The following NAV1 variants were observed in gnomAD, a reference collection of about 807,000 sequenced individuals.
NAV1 encodes pore membrane and/or filament interacting like protein 3.
A neutral mutation model predicts 175.2 loss-of-function variants in NAV1; 18 were observed. The ratio of observed to expected loss-of-function variants is 0.10; its 90% confidence interval spans 0.07 to 0.15. The LOEUF is 0.15. NAV1 is among the 10% of genes least tolerant of loss of function. NAV1 has a pLI of 1.00. For synonymous variants in NAV1, 897 were observed against 978.7 expected, an observed-to-expected ratio of 0.92 and a Z score of 1.56; for missense variants, 1,731 against 2,436.6, an observed-to-expected ratio of 0.71 and a Z score of 6.10.
At chr1:201,730,336 T>C (rs1437428050) in intron 3 of NAV1, among the ~76,000 whole-genome samples, 1 of 152,226 alleles carries the variant, frequency 6.6e-6, no homozygotes, top group East Asian at 1.9e-4. Flanking sequence ...GAGGATCATA[T>C]AACTCAAAGT....
In NAV1 at chr1:201,750,535, A is replaced by T. The variant is rs190464719; in HGVS notation, c.1227-29886A>T. Among the ~76,000 whole-genome samples the T allele has an allele frequency of 2.0e-5, 3 of 152,182 alleles. No homozygotes were observed. ...CTTAAAAAAGGGCTTGCAAGCCACC[A>T]GATTAGGTCTTTTCCATGTCTTTCT... On this transcript the variant is annotated intron_variant, in intron 3 of 29. Transcript: ENST00000367296. This position sits in a 1 kb window ranked among gnomAD's most constrained non-coding sequence, Gnocchi z 4.1.
upstream of NAV1, among the ~76,000 whole-genome samples, chr1:201,619,969 AG>A (rs759062566): frequency 2.0e-5 from 3 of 152,210 alleles, no homozygotes; most frequent in Non-Finnish European, 4.4e-5. Context: ...GAAAAGGATG[AG>A]GGGGTCATAG....
In NAV1 at chr1:201,782,677, C is replaced by A. The variant is rs770989263; in HGVS notation, c.2165C>A (p.Ala722Asp). Residue 722 changes from alanine to aspartate, a missense_variant, in exon 6 of 30, where the codon GCC (alanine) becomes GAC (aspartate). Ala to Asp is a moderately radical substitution (Grantham distance 126, BLOSUM62 -2). Coordinates refer to ENST00000367296, the Ensembl canonical transcript of NAV1. This position sits in a 1 kb window ranked among gnomAD's most constrained non-coding sequence, Gnocchi z 5.4. ...AGACTGAAGGAGCCTACCAAGGTAG[C>A]CAGTGGGCGGACCACTCCAGCCCCT... 2 of 1,614,004 alleles carry A rather than the reference C, an allele frequency of 1.2e-6. No homozygotes were observed. Among genetic ancestry groups the A allele is most frequent in the African/African-American group, 1.3e-5 (1 of 74,902 alleles).
At chr1:201,700,782 C>A (rs1398558683) in intron 1 of NAV1, among the ~76,000 whole-genome samples, 1 of 151,924 alleles carries the variant, frequency 6.6e-6, no homozygotes, top group African/African-American at 2.4e-5. Context: ...GAGGCCGAGG[C>A]GGGTGGATCA....
chr1:201,638,233 A>G (rs1399500890), intron 2 of NAV1, among the ~76,000 whole-genome samples: 1 of 152,124 alleles, frequency 6.6e-6, no homozygotes, highest in African/African-American at 2.4e-5. Context: ...GAAGACCCTG[A>G]CTTGTTGGGA....
exon 9 of NAV1, chr1:201,786,530 C>T: frequency 6.2e-7 from 1 of 1,613,972 alleles, no homozygotes; most frequent in African/African-American, 1.3e-5. Flanking sequence ...CCTTCTCCCC[C>T]TGCACTTCCC....
chr1:201,649,500 C>T, intron 1 of NAV1, 75 bp downstream of exon 5: 1 of 1,439,132 alleles, frequency 6.9e-7, no homozygotes, highest in Non-Finnish European at 9.1e-7. Context: ...GTGGGGAAAG[C>T]GAAGCCCCCT....
At chr1:201,706,208 A>G (rs1022796676) in intron 1 of NAV1, among the ~76,000 whole-genome samples, 2 of 152,128 alleles carry the variant, frequency 1.3e-5, no homozygotes, top group African/African-American at 4.8e-5. Flanking sequence ...TAACAGGGTC[A>G]GGAAAGATAT....
At chr1:201,622,483 CG>C (rs1668201976), upstream of NAV1, among the ~76,000 whole-genome samples, 1 of 152,060 alleles carries the variant, frequency 6.6e-6, no homozygotes, top group African/African-American at 2.4e-5. Flanking sequence ...ATTCTAGACT[CG>C]GGGTACTAGG....
chr1:201,735,904 T>A (rs1673096471), intron 3 of NAV1, among the ~76,000 whole-genome samples: 1 of 152,160 alleles, frequency 6.6e-6, no homozygotes, highest in Admixed American at 6.5e-5. Context: ...CCTGCCACAG[T>A]ATGGAAAGGG....
intron 3 of NAV1, among the ~76,000 whole-genome samples, chr1:201,751,005 C>A (rs1400690860): frequency 1.3e-5 from 2 of 152,316 alleles, no homozygotes; most frequent in Admixed American, 6.5e-5. Flanking sequence ...CTCTTGACTT[C>A]TTTAAGGATT....
chr1:201,575,651 C>A (rs1666673045), intron 1 of NAV1, among the ~76,000 whole-genome samples: 1 of 152,136 alleles, frequency 6.6e-6, no homozygotes, highest in East Asian at 1.9e-4. Flanking sequence ...AGGACAAATA[C>A]CTAATGTCAA....
chr1:201,820,825 T>C (rs1362654994), exon 30 of NAV1: 1 of 152,150 alleles, frequency 6.6e-6, no homozygotes, highest in Admixed American at 6.6e-5. Context: ...CCTTTTTTTT[T>C]TCTTTTTCCG....
intron 2 of NAV1, among the ~76,000 whole-genome samples, chr1:201,615,631 T>C (rs551481386): frequency 8.4e-4 from 128 of 152,320 alleles, no homozygotes; most frequent in African/African-American, 3.0e-3. Context: ...CTTTACTCTT[T>C]CATTGCTTCT....
upstream of NAV1, among the ~76,000 whole-genome samples, chr1:201,620,489 C>T (rs908873432): frequency 8.2e-6 from 1 of 121,880 alleles, no homozygotes; most frequent in African/African-American, 3.5e-5. Flanking sequence ...GACAGAGTCT[C>T]GCTCTCTCGT....
At chr1:201,652,562 C>T (rs1163166775) in intron 1 of NAV1, among the ~76,000 whole-genome samples, 1 of 152,206 alleles carries the variant, frequency 6.6e-6, no homozygotes, top group Non-Finnish European at 1.5e-5. Context: ...CCACAAGGCC[C>T]TTGGCCTGGG....
intron 3 of NAV1, among the ~76,000 whole-genome samples, chr1:201,746,204 T>C (rs924192205): frequency 6.6e-6 from 1 of 152,180 alleles, no homozygotes; most frequent in African/African-American, 2.4e-5. Flanking sequence ...AATTATAAGT[T>C]TCTAGGGGCC....
chr1:201,598,806 C>T lies in NAV1; in HGVS notation c.-33+10157C>T, dbSNP rs149937764. Among the ~76,000 whole-genome samples, 107 of 152,264 alleles carry T rather than the reference C, an allele frequency of 7.0e-4. No homozygotes were observed. In the East Asian group the frequency reaches 0.018, roughly 25 times the overall value. On this transcript the variant is annotated intron_variant, in intron 2 of 33. Coordinates refer to the NAV1 transcript ENST00000685211. ...GTGAAACTACAAGCTGGTAGGGTCC[C>T]GGCCATGAGGAACCCGAGTCTTCAG...
intron 3 of NAV1, among the ~76,000 whole-genome samples, chr1:201,779,490 TG>T (rs1366468544): frequency 6.7e-6 from 1 of 148,370 alleles, no homozygotes; most frequent in East Asian, 2.0e-4. Flanking sequence ...CCCAGCTTCT[TG>T]AGAGGCTGAA....
Sources: gnomAD v4.1 joint callset for allele counts (sites outside exome capture counted in the v4.1 genomes callset) on GRCh38, gnomAD v4.1.1 for gene constraint, Gnocchi (gnomAD v3.1) non-coding constraint, MANE v1.5 for transcripts, NCBI Gene and HGNC (gene_info 2026-07-23, HGNC 2026-07-21) for gene names.